SLC9A9: variants seen among roughly 807,000 people sequenced by gnomAD.
The protein encoded by SLC9A9 is sodium/hydrogen exchanger 9.
Under a neutral mutation model 77.8 loss-of-function variants are expected in SLC9A9, and 62 were observed. The ratio of observed to expected loss-of-function variants is 0.80; its 90% CI spans 0.65 to 0.98. The LOEUF (loss-of-function observed/expected upper bound fraction) is 0.98. SLC9A9 is among the 50% of genes least tolerant of loss of function. The pLI, the probability that SLC9A9 is intolerant of heterozygous loss-of-function variation, is 0.00. For synonymous variants in SLC9A9, 320 were observed against 283.5 expected, an observed-to-expected ratio of 1.13 and a Z score of -1.29; for missense variants, 775 against 774.9, an observed-to-expected ratio of 1.00 and a Z score of 0.00.
intron 4 of SLC9A9, among the ~76,000 whole-genome samples, chr3:143,738,845 A>G (rs1935006297): frequency 6.6e-6 from 1 of 152,220 alleles, no homozygotes; most frequent in Non-Finnish European, 1.5e-5. Flanking sequence ...AGGACCAGCC[A>G]AATGAAAGAG....
At chr3:143,491,831 A>G (rs1327229980) in intron 11 of SLC9A9, among the ~76,000 whole-genome samples, 1 of 152,228 alleles carries the variant, frequency 6.6e-6, no homozygotes, top group African/African-American at 2.4e-5. Flanking sequence ...AAAGTTACTG[A>G]TGTTTTGATG....
At chr3:143,425,264 C>CTTT (rs200568656) in intron 12 of SLC9A9, among the ~76,000 whole-genome samples, 1 of 98,566 alleles carries the variant, frequency 1.0e-5, no homozygotes, top group Non-Finnish European at 2.0e-5. Flanking sequence ...TGAGGCTTAG[C>CTTT]TTTTTTTTTT....
At chr3:143,398,961 T>C (rs2108510715) in intron 12 of SLC9A9, among the ~76,000 whole-genome samples, 1 of 151,922 alleles carries the variant, frequency 6.6e-6, no homozygotes, top group Non-Finnish European at 1.5e-5. Flanking sequence ...TAAGACCAGA[T>C]GCTATTAATA....
intron 9 of SLC9A9, among the ~76,000 whole-genome samples, chr3:143,551,112 C>CT (rs1294595766): frequency 6.6e-6 from 1 of 152,046 alleles, no homozygotes; most frequent in Admixed American, 6.6e-5. Context: ...AGGGAGAATG[C>CT]TACATGAACA....
chr3:143,785,127 C>T (rs1268788179), intron 4 of SLC9A9, among the ~76,000 whole-genome samples: 1 of 152,200 alleles, frequency 6.6e-6, no homozygotes, highest in African/African-American at 2.4e-5. Flanking sequence ...CTTCCCCTCC[C>T]TGTATGCCTA....
intron 4 of SLC9A9, among the ~76,000 whole-genome samples, chr3:143,726,258 A>AAG: frequency 6.6e-6 from 1 of 151,424 alleles, no homozygotes; most frequent in East Asian, 1.9e-4. Flanking sequence ...AAAGAAAAAA[A>AAG]AAAAAAAGAA....
At chr3:143,764,468 T>G (rs2007237666) in intron 4 of SLC9A9, among the ~76,000 whole-genome samples, 1 of 152,198 alleles carries the variant, frequency 6.6e-6, no homozygotes, top group Non-Finnish European at 1.5e-5. Context: ...TTTGGAAAAC[T>G]ATTAGATGCA....
chr3:143,795,290 A>C (rs900336379), intron 3 of SLC9A9, among the ~76,000 whole-genome samples: 1 of 147,926 alleles, frequency 6.8e-6, no homozygotes, highest in Non-Finnish European at 1.5e-5. Flanking sequence ...AGAAAAAAAA[A>C]AAAAAAAAAA....
chr3:143,283,124 C>T (rs1938275350), intron 14 of SLC9A9, among the ~76,000 whole-genome samples: 1 of 152,200 alleles, frequency 6.6e-6, no homozygotes, highest in Non-Finnish European at 1.5e-5. Flanking sequence ...AATGAGTCTC[C>T]TCAATGTTTG....
chr3:143,743,795 C>T lies in SLC9A9; in HGVS notation c.534-50488G>A, dbSNP rs116048593. Reference sequence around the variant, plus strand: ...CCTAAAATGAATGATACAGAACCTTCGTGTGATTGCTATGTGCTAGTTGTG... The same window carrying T: ...CCTAAAATGAATGATACAGAACCTTTGTGTGATTGCTATGTGCTAGTTGTG... On this transcript the variant is annotated intron_variant, in intron 4 of 15. Transcript: ENST00000316549. Among the ~76,000 whole-genome samples the T allele has an allele frequency of 3.3e-3, 506 of 152,306 alleles. 5 individuals are homozygous for T. Among genetic ancestry groups the T allele is most frequent in the African/African-American group, 0.011 (471 of 41,560 alleles).
intron 4 of SLC9A9, among the ~76,000 whole-genome samples, chr3:143,757,755 T>C (rs1485355859): frequency 1.3e-5 from 2 of 152,152 alleles, no homozygotes; most frequent in African/African-American, 4.8e-5. Flanking sequence ...CTCGTATTTT[T>C]GCTTCCTATG....
At chr3:143,809,049 G>C (rs2008797203) in intron 2 of SLC9A9, among the ~76,000 whole-genome samples, 1 of 152,028 alleles carries the variant, frequency 6.6e-6, no homozygotes, top group South Asian at 2.1e-4. Flanking sequence ...CACCATTATT[G>C]ATCTATTTTT....
intron 5 of SLC9A9, among the ~76,000 whole-genome samples, chr3:143,662,848 C>G (rs190390544): frequency 6.6e-6 from 1 of 152,210 alleles, no homozygotes; most frequent in Admixed American, 6.5e-5. Context: ...GGCCTGCATG[C>G]CTCTGTAGAC....
At position 143,516,764 on chromosome 3, in the gene SLC9A9, T is replaced by C. The variant is rs534449292; in HGVS notation, c.1090-21316A>G. Among the ~76,000 whole-genome samples, 6 of 152,294 alleles carry C rather than the reference T, an allele frequency of 3.9e-5. No homozygotes were observed. In the East Asian group the frequency reaches 1.2e-3, roughly 29 times the overall value. ...TTCATGTGTTTTAAAATAGGTATCA[T>C]TCTGAAAATATGCTGAGAGTAAATT... is the stretch of plus-strand genomic sequence containing the variant. On this transcript the variant is annotated intron_variant, in intron 9 of 15. Transcript: ENST00000316549.
At chr3:143,327,387 C>T (rs752561951) in intron 14 of SLC9A9, among the ~76,000 whole-genome samples, 2 of 152,114 alleles carry the variant, frequency 1.3e-5, no homozygotes, top group Non-Finnish European at 2.9e-5. Context: ...AGACACTGGA[C>T]CAGATAGTCC....
At chr3:143,610,669 T>A (rs1292349691) in intron 6 of SLC9A9, among the ~76,000 whole-genome samples, 1 of 152,166 alleles carries the variant, frequency 6.6e-6, no homozygotes, top group Non-Finnish European at 1.5e-5. Flanking sequence ...GTTGGTGAAG[T>A]GAAATCCATA....
chr3:143,433,815 C>A (rs1009149396), intron 12 of SLC9A9, among the ~76,000 whole-genome samples: 1 of 152,184 alleles, frequency 6.6e-6, no homozygotes, highest in Admixed American at 6.5e-5. Flanking sequence ...TTTATTAGAA[C>A]CAACTGGAAA....
intron 4 of SLC9A9, among the ~76,000 whole-genome samples, chr3:143,735,346 C>T (rs770394993): frequency 5.3e-5 from 8 of 152,050 alleles, no homozygotes; most frequent in Admixed American, 1.3e-4. Context: ...AGGAATTACT[C>T]AATAAGTAAT....
chr3:143,633,470 A>G (rs926676742), intron 6 of SLC9A9, among the ~76,000 whole-genome samples: 4 of 152,188 alleles, frequency 2.6e-5, no homozygotes, highest in East Asian at 1.9e-4. Flanking sequence ...TTTTCAGGCC[A>G]TAAATTTTTT....
Sources: gnomAD v4.1 joint callset for allele counts (sites outside exome capture counted in the v4.1 genomes callset) on GRCh38, gnomAD v4.1.1 for gene constraint, MANE v1.5 for transcripts, NCBI Gene and HGNC (gene_info 2026-07-23, HGNC 2026-07-21) for gene names.